Variants in PMS1 observed in about 807,000 individuals in gnomAD.
PMS1 encodes the protein PMS1 homolog 1, mismatch repair system component.
In PMS1, 79 loss-of-function variants were observed where a neutral mutation model predicts 93.1. That is an observed-to-expected ratio of 0.85 (90% CI 0.71 to 1.02). PMS1 has a LOEUF of 1.02. Ranked by LOEUF, PMS1 falls within the 50% of genes least tolerant of loss-of-function variation. The probability of loss-of-function intolerance (pLI) is 0.00; values close to 1 mark genes in which losing one functional copy is unlikely to be tolerated. For synonymous variants in PMS1, 335 were observed against 363.4 expected, an observed-to-expected ratio of 0.92 and a Z score of 0.89; for missense variants, 1,064 against 1,085.3, an observed-to-expected ratio of 0.98 and a Z score of 0.28.
intron 2 of PMS1, among the ~76,000 whole-genome samples, chr2:189,794,083 G>A (rs183695014): frequency 2.6e-5 from 4 of 152,120 alleles, no homozygotes; most frequent in Non-Finnish European, 5.9e-5. Context: ...ATAGAAGACC[G>A]ACAGTTCCCA....
At chr2:189,869,799 C>T (rs751893072) in intron 11 of PMS1, among the ~76,000 whole-genome samples, 1 of 147,980 alleles carries the variant, frequency 6.8e-6, no homozygotes, top group East Asian at 2.0e-4. Context: ...CCTGCATGAC[C>T]GAGTGAGACT....
intron 4 of PMS1, among the ~76,000 whole-genome samples, chr2:189,808,317 A>T (rs1422086806): frequency 6.6e-6 from 1 of 151,942 alleles, no homozygotes; most frequent in Non-Finnish European, 1.5e-5. Flanking sequence ...CCTTTAAAAA[A>T]CGTAATTTAT....
At chr2:189,799,899 C>A (rs1575058702) in intron 3 of PMS1, among the ~76,000 whole-genome samples, 1 of 152,310 alleles carries the variant, frequency 6.6e-6, no homozygotes, top group South Asian at 2.1e-4. Flanking sequence ...CCAAAGAACC[C>A]CCCAATAAAC....
intron 5 of PMS1, among the ~76,000 whole-genome samples, chr2:189,836,740 G>A (rs1047520756): frequency 1.3e-5 from 2 of 152,146 alleles, no homozygotes; most frequent in Non-Finnish European, 2.9e-5. Context: ...TTAGCCCCTC[G>A]ATCTGATGCA....
chr2:189,858,332 TA>T (rs924152272), intron 9 of PMS1, among the ~76,000 whole-genome samples: 13 of 151,486 alleles, frequency 8.6e-5, no homozygotes, highest in African/African-American at 1.4e-4. Flanking sequence ...CTATTTAAAC[TA>T]AAAAAAAATT....
Position 189,811,886 on chromosome 2 carries a change from A to G in PMS1, c.419-6131A>G, listed in dbSNP as rs527252073. Among the ~76,000 whole-genome samples the G allele has an allele frequency of 5.9e-5, 9 of 152,388 alleles. No homozygotes were observed. In the South Asian group the frequency reaches 1.0e-3, roughly 18 times the overall value. On this transcript the variant is annotated intron_variant, in intron 4 of 12. Coordinates refer to ENST00000441310, the MANE Select transcript of PMS1 (RefSeq NM_000534.5). ...CTATTTACAGCTTTCATGAAATATT[A>G]AAAGCAGCCAGAGGAGAAAATACAT...
intron 3 of PMS1, among the ~76,000 whole-genome samples, chr2:189,799,958 G>T (rs780703090): frequency 1.1e-4 from 16 of 152,338 alleles, no homozygotes; most frequent in Non-Finnish European, 1.8e-4. Context: ...GGATTAGCCA[G>T]CCTACAATGT....
chr2:189,816,576 A>C (rs540245975), intron 4 of PMS1, among the ~76,000 whole-genome samples: 3 of 152,066 alleles, frequency 2.0e-5, no homozygotes, highest in Non-Finnish European at 4.4e-5. Flanking sequence ...TAAGCCTTTA[A>C]CTCAAAAATT....
At chr2:189,814,651 A>G (rs984495973) in intron 4 of PMS1, among the ~76,000 whole-genome samples, 4 of 152,212 alleles carry the variant, frequency 2.6e-5, no homozygotes, top group African/African-American at 9.7e-5. Flanking sequence ...AATGGCAAAC[A>G]TGGTAGTTCT....
At chr2:189,841,779 A>G (rs1409769248) in intron 5 of PMS1, among the ~76,000 whole-genome samples, 3 of 646 alleles carry the variant, frequency 4.6e-3, no homozygotes, top group South Asian at 0.038. Flanking sequence ...TTGGTTTTCA[A>G]ATGGTTAAAC....
chr2:189,846,003 C>T (rs566521548), intron 6 of PMS1, among the ~76,000 whole-genome samples: 3 of 152,060 alleles, frequency 2.0e-5, no homozygotes, highest in Non-Finnish European at 4.4e-5. Context: ...GGATTACAGG[C>T]GTGAGCCACT....
At chr2:189,869,996 C>T (rs1395494695) in intron 11 of PMS1, among the ~76,000 whole-genome samples, 2 of 151,928 alleles carry the variant, frequency 1.3e-5, no homozygotes, top group African/African-American at 2.4e-5. Context: ...TTATTGAATG[C>T]CTAATACTTT....
At chr2:189,802,077 C>T (rs573802342) in intron 3 of PMS1, among the ~76,000 whole-genome samples, 1 of 152,252 alleles carries the variant, frequency 6.6e-6, no homozygotes, top group East Asian at 1.9e-4. Flanking sequence ...AAATGTCATC[C>T]TCTGCATAAC....
At chr2:189,847,857 T>C (rs2054382654) in intron 6 of PMS1, among the ~76,000 whole-genome samples, 2 of 152,206 alleles carry the variant, frequency 1.3e-5, no homozygotes, top group African/African-American at 4.8e-5. Flanking sequence ...CCTCTGCTAC[T>C]ATGTCCCTTC....
intron 8 of PMS1, 23 bp from the exon 9 acceptor site, chr2:189,854,216 C>T: frequency 6.5e-7 from 1 of 1,548,070 alleles, no homozygotes; most frequent in South Asian, 1.2e-5. Flanking sequence ...TTTCCCCTAA[C>T]ATTTGTTAAT....
chr2:189,812,027 G>A (rs1465997853), intron 4 of PMS1, among the ~76,000 whole-genome samples: 1 of 152,056 alleles, frequency 6.6e-6, no homozygotes, highest in Non-Finnish European at 1.5e-5. Flanking sequence ...ACAGGCGGGT[G>A]CGGTGGCTCA....
At chr2:189,847,073 G>A (rs775480300) in intron 6 of PMS1, among the ~76,000 whole-genome samples, 1 of 151,842 alleles carries the variant, frequency 6.6e-6, no homozygotes, top group Non-Finnish European at 1.5e-5. Flanking sequence ...TGTTGAACAG[G>A]CTGGTCTTGA....
intron 4 of PMS1, chr2:189,806,401 T>A: frequency 3.1e-6 from 1 of 321,682 alleles, no homozygotes. Context: ...TTATTTTATT[T>A]TATTTTATTT....
rs138600024 is a variant in PMS1, at chr2:189,792,773, C to T, written c.132+832C>T. Among the ~76,000 whole-genome samples, 6 of 145,538 alleles carry T rather than the reference C, an allele frequency of 4.1e-5. No homozygotes were observed. In the East Asian group the frequency reaches 1.2e-3, roughly 29 times the overall value. ...CTTCTCATAAAACACTGTGACTTAACTACTACTATACCCATTTTATTTTTT... is the reference window on the plus strand; with the variant it reads ...CTTCTCATAAAACACTGTGACTTAATTACTACTATACCCATTTTATTTTTT... On this transcript the variant is annotated intron_variant, in intron 2 of 12. Transcript: ENST00000441310.
Sources: gnomAD v4.1 joint callset for allele counts (sites outside exome capture counted in the v4.1 genomes callset) on GRCh38, gnomAD v4.1.1 for gene constraint, MANE v1.5 for transcripts, NCBI Gene and HGNC (gene_info 2026-07-23, HGNC 2026-07-21) for gene names.